The following JPH3 variants were observed in gnomAD, a reference collection of about 807,000 sequenced individuals.
JPH3 encodes junctophilin-3.
In JPH3, 11 loss-of-function variants were observed where a neutral mutation model predicts 59.6. That is an observed-to-expected ratio of 0.18 (90% CI 0.12 to 0.31). The LOEUF is 0.31. JPH3 is among the 10% of genes least tolerant of loss of function. The probability of loss-of-function intolerance (pLI) is 1.00; values close to 1 mark genes in which losing one functional copy is unlikely to be tolerated. For missense variants in JPH3, 1,202 were observed against 1,105.7 expected (o/e 1.09, Z -1.24); for synonymous variants, 673 against 483.6 (o/e 1.39, Z -5.14).
At chr16:87,604,303 C>CTGCTGG (rs2030411785) in intron 1 of JPH3, 4 of 1,461,104 alleles carry the variant, frequency 2.7e-6, no homozygotes, top group South Asian at 1.2e-5. Context: ...GCTGCTGCTG[C>CTGCTGG]TGCTGCTGCT....
rs540583309 is a variant in JPH3 at position 87,684,397 on chromosome 16, C to T, written c.1285+131C>T. On this transcript the variant is annotated intron_variant, in intron 3 of 4. Transcript: ENST00000284262. ...GCTCAGCCCCAGCTGCTCCCCTGCC[C>T]GGTGTCTTCCTCTCCCGCCGAAGGT... is the stretch of plus-strand genomic sequence containing the variant. The T allele has an allele frequency of 1.8e-4, 249 of 1,389,616 alleles. 1 individual carries two copies. The African/African-American group carries it at 3.2e-3, about 18-fold the overall frequency. The allele number at this position is 1,389,616 out of a possible 1,614,324, so 86.1% of individuals were successfully genotyped here. A position where few individuals can be genotyped will look rare whatever the true frequency, so the allele number is the denominator to read the frequency against.
intron 1 of JPH3, among the ~76,000 whole-genome samples, chr16:87,642,100 G>T (rs745375967): frequency 5.3e-5 from 8 of 152,174 alleles, no homozygotes; most frequent in South Asian, 2.1e-4. Flanking sequence ...GGACCCTTTG[G>T]GGGGTGGCGG....
At chr16:87,672,378 G>C (rs995245110) in intron 2 of JPH3, among the ~76,000 whole-genome samples, 3 of 152,216 alleles carry the variant, frequency 2.0e-5, no homozygotes, top group Admixed American at 6.5e-5. Flanking sequence ...CCCCCGCTGA[G>C]GGTGGTAAAC....
intron 2 of JPH3, among the ~76,000 whole-genome samples, chr16:87,675,908 C>T (rs900200650): frequency 1.3e-5 from 2 of 152,230 alleles, no homozygotes; most frequent in East Asian, 1.9e-4. Context: ...GCTGGCCTTT[C>T]GCTCTGTAAT....
At chr16:87,604,349 G>A (rs908268037) in intron 1 of JPH3, 1 of 1,449,608 alleles carries the variant, frequency 6.9e-7, no homozygotes, top group Non-Finnish European at 9.1e-7. Flanking sequence ...TTCTGTGCAG[G>A]GAACCTTGGC....
chr16:87,650,968 T>C (rs2032309270), intron 2 of JPH3, among the ~76,000 whole-genome samples: 1 of 152,246 alleles, frequency 6.6e-6, no homozygotes, highest in African/African-American at 2.4e-5. Flanking sequence ...GGAGATTCCA[T>C]CTAGGACTTT....
intron 2 of JPH3, chr16:87,653,641 AT>A (rs1196490075): frequency 1.2e-4 from 19 of 152,364 alleles, no homozygotes; most frequent in African/African-American, 4.6e-4. Flanking sequence ...GTCAGGGGTT[AT>A]GTATATGAAG....
chr16:87,645,228 T>C (rs2032107043), intron 2 of JPH3, among the ~76,000 whole-genome samples, 193 bp downstream of exon 2: 1 of 152,126 alleles, frequency 6.6e-6, no homozygotes, highest in African/African-American at 2.4e-5. Context: ...GTGGTCAGGA[T>C]TGGTGCAGAG....
intron 1 of JPH3, among the ~76,000 whole-genome samples, chr16:87,638,479 T>C (rs1416327605): frequency 2.0e-5 from 3 of 152,020 alleles, no homozygotes; most frequent in African/African-American, 7.3e-5. Flanking sequence ...AGACCAGGAC[T>C]GTACAGAGCA....
chr16:87,695,868 G>T, intron 4 of JPH3: 1 of 456,054 alleles, frequency 2.2e-6, no homozygotes, highest in Non-Finnish European at 4.4e-6. Flanking sequence ...AGCTTGGTCC[G>T]AGTGCCCAGG....
chr16:87,636,140 G>C (rs1490681370), intron 1 of JPH3, among the ~76,000 whole-genome samples: 2 of 152,210 alleles, frequency 1.3e-5, no homozygotes, highest in Admixed American at 1.3e-4. Flanking sequence ...TGACCAGTTA[G>C]GTTCGATGGG....
intron 1 of JPH3, among the ~76,000 whole-genome samples, chr16:87,620,207 C>G (rs1337808493): frequency 6.6e-6 from 1 of 151,938 alleles, no homozygotes; most frequent in Non-Finnish European, 1.5e-5. Flanking sequence ...GCCTGGGTGG[C>G]TATGTCCACA....
chr16:87,643,278 G>T (rs1366393588), intron 1 of JPH3, among the ~76,000 whole-genome samples: 1 of 152,238 alleles, frequency 6.6e-6, no homozygotes, highest in African/African-American at 2.4e-5. Context: ...CATGGCGTCT[G>T]TCCATTTACC....
chr16:87,695,587 C>G (rs1277393684), intron 4 of JPH3: 1 of 455,868 alleles, frequency 2.2e-6, no homozygotes, highest in Non-Finnish European at 4.4e-6. Context: ...GTGGGCAAGA[C>G]TGGAGTGGGT....
Position 87,697,045 on chromosome 16 carries a change from C to T in JPH3, c.*385C>T, listed in dbSNP as rs560111728. Reference sequence around the variant, plus strand: ...GCAGCCCGGGGCAGAGCCTCAGCCCCGCGGCCCCTGAGTGGCAGGGCTGAC... The same window carrying T: ...GCAGCCCGGGGCAGAGCCTCAGCCCTGCGGCCCCTGAGTGGCAGGGCTGAC... On this transcript the variant is annotated 3_prime_UTR_variant, in exon 5 of 5. Coordinates refer to ENST00000284262, the MANE Select transcript of JPH3 (RefSeq NM_020655.4). The T allele has an allele frequency of 9.8e-5, 27 of 274,138 alleles. No individual in the cohort carries two copies. The highest frequency in any genetic ancestry group is 1.2e-4 in the South Asian group (3 of 24,308). 17.0% of individuals were successfully genotyped at this position (274,138 alleles called of 1,614,324 possible). A position where few individuals can be genotyped will look rare whatever the true frequency, so the allele number is the denominator to read the frequency against.
At chr16:87,602,431 C>CGGGGGCG (rs1237775178), upstream of JPH3, among the ~76,000 whole-genome samples, 225 of 13,268 alleles carry the variant, frequency 0.017, no homozygotes, top group Middle Eastern at 0.071. Flanking sequence ...GGGGCGGGGG[C>CGGGGGCG]GGGGGCGGGG....
intron 1 of JPH3, among the ~76,000 whole-genome samples, chr16:87,637,712 C>A (rs182809553): frequency 6.6e-6 from 1 of 152,066 alleles, no homozygotes; most frequent in Non-Finnish European, 1.5e-5. Context: ...AAGGCCATTC[C>A]GCCTCGTGGT....
intron 1 of JPH3, among the ~76,000 whole-genome samples, chr16:87,642,867 C>A (rs1041137509): frequency 1.3e-5 from 2 of 152,318 alleles, no homozygotes; most frequent in South Asian, 2.1e-4. Context: ...GTCTGCTGAC[C>A]GGGTTTCCTT....
chr16:87,691,096 C>A (rs1197155131), intron 4 of JPH3, among the ~76,000 whole-genome samples: 2 of 150,736 alleles, frequency 1.3e-5, no homozygotes, highest in Admixed American at 6.6e-5. Flanking sequence ...ACCCCCCCCC[C>A]AAATTCGTTC....
Sources: gnomAD v4.1 joint callset for allele counts (sites outside exome capture counted in the v4.1 genomes callset) on GRCh38, gnomAD v4.1.1 for gene constraint, MANE v1.5 for transcripts, NCBI Gene and HGNC (gene_info 2026-07-23, HGNC 2026-07-21) for gene names.